Variants in SNX30 observed in about 807,000 individuals in gnomAD.
The protein encoded by SNX30 is sorting nexin family member 30.
A neutral mutation model predicts 46.4 loss-of-function variants in SNX30; 24 were observed. The ratio of observed to expected loss-of-function variants is 0.52; its 90% CI spans 0.37 to 0.73. SNX30 has a LOEUF of 0.73. Among genes scored for constraint, SNX30 ranks in the 30% least tolerant of loss-of-function variants. The pLI, the probability that SNX30 is intolerant of heterozygous loss-of-function variation, is 0.00. For synonymous variants in SNX30, 189 were observed against 211.5 expected, an observed-to-expected ratio of 0.89 and a Z score of 0.92; for missense variants, 533 against 555.7, an observed-to-expected ratio of 0.96 and a Z score of 0.41.
At chr9:112,758,376 C>T (rs1839383424) in intron 1 of SNX30, among the ~76,000 whole-genome samples, 1 of 152,126 alleles carries the variant, frequency 6.6e-6, no homozygotes, top group Non-Finnish European at 1.5e-5. Context: ...GTCACCCAGA[C>T]TGGAGTGCAG....
intron 1 of SNX30, among the ~76,000 whole-genome samples, chr9:112,751,842 G>A (rs1393342987): frequency 6.6e-6 from 1 of 152,096 alleles, no homozygotes; most frequent in Non-Finnish European, 1.5e-5. Context: ...TTCTTTGTAC[G>A]GAGGGAGGCT....
At chr9:112,879,241 A>T (rs1406380648), downstream of SNX30, 2 of 152,428 alleles carry the variant, frequency 1.3e-5, no homozygotes, top group Non-Finnish European at 2.9e-5. Flanking sequence ...TTTTATTTTA[A>T]TTTAAAAGAC....
chr9:112,786,346 C>G (rs1269406388), intron 1 of SNX30, among the ~76,000 whole-genome samples: 1 of 151,726 alleles, frequency 6.6e-6, no homozygotes, highest in Non-Finnish European at 1.5e-5. Context: ...GTCTCGAACT[C>G]CTGGACTCAA....
rs2131338978 is a variant in SNX30, at chr9:112,750,922, T to C, written c.-80T>C. On this transcript the variant is annotated 5_prime_UTR_variant, in exon 1 of 9. Transcript: ENST00000374232. ...GGGTTAAGCGGCGGCCGAGCGGGGC[T>C]CGGCCCGGGGTGCTCGGGGAGCTCG... 8.8e-7 allele frequency: 1 copy of C among 1,142,734 alleles called. No homozygotes were observed. Among genetic ancestry groups the C allele is most frequent in the Non-Finnish European group, 1.1e-6 (1 of 930,672 alleles). 70.8% of individuals were successfully genotyped at this position (1,142,734 alleles called of 1,614,324 possible).
At chr9:112,879,921 G>A (rs56011620), downstream of SNX30, 190,459 of 1,110,754 alleles carry the variant, frequency 0.17, 17,204 homozygotes, top group Non-Finnish European at 0.19. Context: ...CAGGCTTTAG[G>A]CAAAATCATA....
At chr9:112,845,090 TA>T (rs1392067357) in intron 6 of SNX30, among the ~76,000 whole-genome samples, 3 of 152,032 alleles carry the variant, frequency 2.0e-5, no homozygotes, top group Non-Finnish European at 4.4e-5. Flanking sequence ...TCAAAGGCTT[TA>T]AAAAAATAAG....
chr9:112,781,772 C>G (rs1235362802), intron 1 of SNX30, among the ~76,000 whole-genome samples: 1 of 151,738 alleles, frequency 6.6e-6, no homozygotes, highest in Admixed American at 6.6e-5. Flanking sequence ...GCTGGGATTA[C>G]AGGTGCCCAC....
chr9:112,862,932 T>G (rs1241032472), intron 7 of SNX30, among the ~76,000 whole-genome samples: 1 of 151,960 alleles, frequency 6.6e-6, no homozygotes, highest in Non-Finnish European at 1.5e-5. Flanking sequence ...AACAGAAAAA[T>G]TCCTTGCTTT....
chr9:112,767,788 C>T (rs1004770525), intron 1 of SNX30, among the ~76,000 whole-genome samples: 5 of 151,972 alleles, frequency 3.3e-5, no homozygotes, highest in African/African-American at 1.2e-4. Context: ...TTTGTAGAGA[C>T]AGGGTTTCCC....
chr9:112,866,913 G>C (rs62653645), intron 8 of SNX30, among the ~76,000 whole-genome samples: 178 of 26,636 alleles, frequency 6.7e-3, no homozygotes, highest in African/African-American at 0.01. Flanking sequence ...AATTCCTCCT[G>C]CCTCCTCAGA....
chr9:112,855,216 AT>A (rs113485830), intron 7 of SNX30, among the ~76,000 whole-genome samples: 11 of 149,440 alleles, frequency 7.4e-5, no homozygotes, highest in Non-Finnish European at 8.9e-5. Context: ...TGTTGATGAG[AT>A]TTTTTTTTTT....
At chr9:112,796,291 C>G (rs535632432) in intron 1 of SNX30, among the ~76,000 whole-genome samples, 1 of 152,312 alleles carries the variant, frequency 6.6e-6, no homozygotes, top group Non-Finnish European at 1.5e-5. Context: ...AGGGAGGGCC[C>G]CTGTGATGCC....
chr9:112,812,440 G>T (rs1430594824), intron 2 of SNX30, among the ~76,000 whole-genome samples: 3 of 152,098 alleles, frequency 2.0e-5, no homozygotes, highest in African/African-American at 7.2e-5. Context: ...GTTTTTAGTA[G>T]AGATGGGGTT....
At chr9:112,773,334 A>G (rs1487160647) in intron 1 of SNX30, among the ~76,000 whole-genome samples, 3 of 152,154 alleles carry the variant, frequency 2.0e-5, no homozygotes, top group Non-Finnish European at 4.4e-5. Flanking sequence ...TCTTCTCATA[A>G]CTGATAGTCA....
At chr9:112,862,628 A>G (rs1841255918) in intron 7 of SNX30, among the ~76,000 whole-genome samples, 1 of 152,110 alleles carries the variant, frequency 6.6e-6, no homozygotes, top group African/African-American at 2.4e-5. Flanking sequence ...CTGACCTGGT[A>G]TGGTGGCTCA....
intron 2 of SNX30, among the ~76,000 whole-genome samples, chr9:112,813,469 ATT>A (rs34581439): frequency 4.5e-5 from 6 of 132,312 alleles, no homozygotes; most frequent in East Asian, 2.2e-4. Flanking sequence ...ACTGTATTTA[ATT>A]TTTTTTTTTT....
At chr9:112,791,693 G>A (rs890742193) in intron 1 of SNX30, among the ~76,000 whole-genome samples, 2 of 152,118 alleles carry the variant, frequency 1.3e-5, no homozygotes, top group African/African-American at 2.4e-5. Flanking sequence ...ACAGGCATGA[G>A]CCACTGCACC....
chr9:112,857,077 G>A (rs1009954364), intron 7 of SNX30, among the ~76,000 whole-genome samples: 4 of 152,204 alleles, frequency 2.6e-5, no homozygotes, highest in Non-Finnish European at 5.9e-5. Context: ...TGCTCCCTGA[G>A]GGGGCGCCCT....
intron 8 of SNX30, among the ~76,000 whole-genome samples, chr9:112,865,661 A>ATATGTGTGTGTGTGTGTGTGTGTG: frequency 2.8e-5 from 3 of 105,684 alleles, no homozygotes; most frequent in Non-Finnish European, 3.8e-5. Context: ...ATATATATAT[A>ATATGTGTGTGTGTGTGTGTGTGTG]TGTATGTATG....
Sources: gnomAD v4.1 joint callset for allele counts (sites outside exome capture counted in the v4.1 genomes callset) on GRCh38, gnomAD v4.1.1 for gene constraint, MANE v1.5 for transcripts, NCBI Gene and HGNC (gene_info 2026-07-23, HGNC 2026-07-21) for gene names.